Variants in DNAJB1 observed in about 807,000 individuals in gnomAD.
DNAJB1 encodes DnaJ heat shock protein family (Hsp40) member B1, also known as dnaJ homolog subfamily B member 1.
In DNAJB1, 14 loss-of-function variants were observed where a neutral mutation model predicts 24.0. The ratio of observed to expected loss-of-function variants is 0.58; its 90% CI spans 0.39 to 0.91. The LOEUF (loss-of-function observed/expected upper bound fraction) is 0.91. DNAJB1 is among the 40% of genes least tolerant of loss of function. The pLI is 0.00. For missense variants in DNAJB1, 517 were observed against 458.1 expected (o/e 1.13, Z -1.17); for synonymous variants, 262 against 174.4 (o/e 1.50, Z -3.96).
rs567069328 is a variant in DNAJB1, at chr19:14,515,574, CATT to C, written c.*363_*365del. On this transcript the variant is annotated 3_prime_UTR_variant, in exon 3 of 3. Transcript: ENST00000254322. ...TCTGGGAATCAAGACTGCAGGTTGA[CATT>C]ATCTACCAGCCAGAAGCAAAAAGAC... is the stretch of plus-strand genomic sequence containing the variant. The C allele has an allele frequency of 4.0e-4, 101 of 253,406 alleles. No homozygotes were observed. In the South Asian group the frequency reaches 4.5e-3, roughly 11 times the overall value. 15.7% of individuals were successfully genotyped at this position (253,406 alleles called of 1,614,324 possible).
chr19:14,542,252 A>G lies in DNAJB1; in HGVS notation c.-214+7956T>C, dbSNP rs1294805132. Reference sequence around the variant, plus strand: ...AGTGCAGGGATTACAGGTGTGAGACACCATGCCCGACCACATTCTACTGAT... The same window carrying G: ...AGTGCAGGGATTACAGGTGTGAGACGCCATGCCCGACCACATTCTACTGAT... On this transcript the variant is annotated intron_variant, in intron 1 of 3. Transcript: ENST00000676982. Among the ~76,000 whole-genome samples the G allele has an allele frequency of 4.6e-5, 7 of 150,608 alleles. 1 individual carries two copies. The highest frequency in any genetic ancestry group is 8.8e-5 in the Non-Finnish European group (6 of 67,906).
At chr19:14,548,480 C>T (rs557660683) in intron 1 of DNAJB1, among the ~76,000 whole-genome samples, 15 of 152,318 alleles carry the variant, frequency 9.8e-5, no homozygotes, top group African/African-American at 2.9e-4. Flanking sequence ...GCCTCACTGC[C>T]GTTACCAGGC....
upstream of DNAJB1, chr19:14,529,557 C>T: frequency 4.5e-6 from 6 of 1,326,810 alleles, no homozygotes; most frequent in Non-Finnish European, 6.5e-6. Context: ...CGACGGGGCG[C>T]GCGCGGCCTG....
intron 1 of DNAJB1, among the ~76,000 whole-genome samples, chr19:14,543,470 G>A (rs551287393): frequency 5.5e-5 from 5 of 90,464 alleles, no homozygotes; most frequent in Admixed American, 1.7e-4. Context: ...ACGGAGTCTC[G>A]CTCTGTCGCC....
At position 14,516,659 on chromosome 19, in the gene DNAJB1, T is replaced by C; in HGVS notation, c.599A>G (p.Glu200Gly). 2 of 1,614,234 alleles carry C rather than the reference T, an allele frequency of 1.2e-6. No homozygotes were observed. Among genetic ancestry groups the C allele is most frequent in the Non-Finnish European group, 1.7e-6 (2 of 1,180,030 alleles). Residue 200 changes from glutamate to glycine, a missense_variant, in exon 2 of 3, where the codon GAA (glutamate) becomes GGA (glycine). Glu to Gly is a moderately conservative substitution (Grantham distance 98). Coordinates refer to ENST00000254322, the MANE Select transcript of DNAJB1 (RefSeq NM_006145.3). ...CACTTCGATGGTCAATATTTTGTCT[T>C]CGTTTCGAATGCTCTTTCCGTCGGG... ...LNPDGKSIRN[E>G]DKILTIEVKK... is the part of the protein sequence containing the mutation.
At position 14,526,216 on chromosome 19, in the gene DNAJB1, G is replaced by A. The variant is rs117845636; in HGVS notation, c.-90+1510C>T. ...GGAAATTACTTTAATAAAGGAGCTA[G>A]TTACCATCAGCTCAACAACGACCCA... On this transcript the variant is annotated intron_variant, in intron 2 of 3. Transcript: ENST00000396969. Among the ~76,000 whole-genome samples, 985 of 152,296 alleles carry A rather than the reference G, an allele frequency of 6.5e-3. 7 individuals are homozygous for A. Among genetic ancestry groups the A allele is most frequent in the Middle Eastern group, 0.044 (13 of 294 alleles).
chr19:14,516,203 G>T (rs375989302), intron 2 of DNAJB1, 33 bp from the exon 3 acceptor site: 1 of 1,610,402 alleles, frequency 6.2e-7, no homozygotes, highest in Non-Finnish European at 8.5e-7. Flanking sequence ...TTAGATGGAA[G>T]CTGGCTCAAG....
At chr19:14,552,635 C>T (rs971773423), upstream of DNAJB1, among the ~76,000 whole-genome samples, 2 of 151,678 alleles carry the variant, frequency 1.3e-5, no homozygotes, top group African/African-American at 4.8e-5. Flanking sequence ...CCCGGGTTCA[C>T]GCCATTCTCC....
intron 1 of DNAJB1, among the ~76,000 whole-genome samples, chr19:14,543,528 T>G (rs566323577): frequency 1.9e-4 from 26 of 135,386 alleles, no homozygotes; most frequent in Non-Finnish European, 3.7e-4. Flanking sequence ...AAGCTCCGTC[T>G]CCCGGGTTCA....
At chr19:14,551,657 C>T (rs183685252), upstream of DNAJB1, among the ~76,000 whole-genome samples, 13 of 152,132 alleles carry the variant, frequency 8.5e-5, no homozygotes, top group African/African-American at 2.9e-4. Context: ...TGCCTGGGCC[C>T]CGCTGTGGTA....
chr19:14,517,827 C>T (rs1442505181), intron 1 of DNAJB1: 4 of 279,210 alleles, frequency 1.4e-5, no homozygotes, highest in Non-Finnish European at 2.7e-5. Flanking sequence ...CCGCGCCGTC[C>T]CCGTCGTCAC....
Position 14,537,452 on chromosome 19 carries a change from A to C in DNAJB1, c.-213-9642T>G, listed in dbSNP as rs557754582. Among the ~76,000 whole-genome samples the C allele has an allele frequency of 2.0e-5, 3 of 152,200 alleles. No homozygotes were observed. In the East Asian group the frequency reaches 5.8e-4, roughly 29 times the overall value. On this transcript the variant is annotated intron_variant, in intron 1 of 3. Coordinates refer to the DNAJB1 transcript ENST00000676982. ...TCTGGACTAACTGGTTCCTGAGAAC[A>C]GAGGAGGGTTGACAGCCTTGAGTGA... is the stretch of plus-strand genomic sequence containing the variant.
Position 14,514,963 on chromosome 19 carries a change from A to C in DNAJB1, c.*977T>G. 1 of 152,368 alleles carries C rather than the reference A, an allele frequency of 6.6e-6. No homozygotes were observed. The highest frequency in any genetic ancestry group is 1.5e-5 in the Non-Finnish European group (1 of 68,044). The allele number at this position is 152,368 out of a possible 1,614,324, so 9.4% of individuals were successfully genotyped here. ...AGAATTCCATTATGGCCCTATACAGAGAGCACTGGCTGCCGGGGACAGGTT... is the reference window on the plus strand; with the variant it reads ...AGAATTCCATTATGGCCCTATACAGCGAGCACTGGCTGCCGGGGACAGGTT... On this transcript the variant is annotated 3_prime_UTR_variant, in exon 3 of 3. Transcript: ENST00000254322.
intron 1 of DNAJB1, among the ~76,000 whole-genome samples, chr19:14,555,741 A>G (rs79665288): frequency 1.3e-5 from 2 of 152,092 alleles, no homozygotes; most frequent in African/African-American, 4.8e-5. Context: ...ATGCGTGGAC[A>G]CAGCTAATTT....
upstream of DNAJB1, among the ~76,000 whole-genome samples, chr19:14,518,650 C>T (rs2072323926): frequency 6.6e-6 from 1 of 152,264 alleles, no homozygotes; most frequent in Non-Finnish European, 1.5e-5. Flanking sequence ...AGGCCCCGCC[C>T]ACCTTTCGGG....
At chr19:14,521,707 C>T (rs941359042), upstream of DNAJB1, among the ~76,000 whole-genome samples, 4 of 152,024 alleles carry the variant, frequency 2.6e-5, no homozygotes, top group African/African-American at 4.8e-5. Context: ...CTGCAACCTC[C>T]GCCTCCTGGG....
At chr19:14,528,582 C>G (rs2072491948) in intron 1 of DNAJB1, among the ~76,000 whole-genome samples, 1 of 152,098 alleles carries the variant, frequency 6.6e-6, no homozygotes, top group East Asian at 1.9e-4. Flanking sequence ...ATTGGAGCCA[C>G]TAGACACGAT....
rs200592495 is a variant in DNAJB1, at chr19:14,517,427, GA to G, written c.212-382del. The G allele has an allele frequency of 5.7e-3, 1,058 of 184,286 alleles. 10 individuals carry two copies. Among genetic ancestry groups the G allele is most frequent in the South Asian group, 0.017 (90 of 5,394 alleles). 11.4% of individuals were successfully genotyped at this position (184,286 alleles called of 1,614,324 possible). The stretch of plus-strand genomic sequence containing the variant: ...ACGTTTTAGGGCTAATGGTGCGTAG[GA>G]AGAGAAGAAAAAAAAAAACAAAAAT... On this transcript the variant is annotated intron_variant, in intron 1 of 2. Transcript: ENST00000254322.
At chr19:14,541,461 G>T (rs904926988) in intron 1 of DNAJB1, among the ~76,000 whole-genome samples, 5 of 152,188 alleles carry the variant, frequency 3.3e-5, no homozygotes, top group Non-Finnish European at 1.5e-5. Context: ...GCCTTTTCCC[G>T]TCATAGGACC....
Sources: allele counts gnomAD v4.1 joint callset (sites outside exome capture counted in the v4.1 genomes callset), GRCh38; gene constraint gnomAD v4.1.1; transcripts MANE v1.5; gene names NCBI Gene and HGNC (gene_info 2026-07-23, HGNC 2026-07-21).